FYN: variants seen among roughly 807,000 people sequenced by gnomAD.
FYN encodes the protein FYN proto-oncogene, Src family tyrosine kinase.
A neutral mutation model predicts 70.2 loss-of-function variants in FYN; 10 were observed. That is an observed-to-expected ratio of 0.14 (90% confidence interval 0.09 to 0.24). The LOEUF (loss-of-function observed/expected upper bound fraction) is 0.24. FYN is among the 10% of genes least tolerant of loss of function. The pLI, the probability that FYN is intolerant of heterozygous loss-of-function variation, is 1.00. For missense variants in FYN, 319 were observed against 673.1 expected (o/e 0.47, Z 5.82); for synonymous variants, 236 against 248.6 (o/e 0.95, Z 0.48).
At chr6:111,764,152 A>C (rs1803115372) in intron 3 of FYN, among the ~76,000 whole-genome samples, 1 of 142,606 alleles carries the variant, frequency 7.0e-6, no homozygotes. Context: ...TACATTTGAA[A>C]TTTTCCATAA....
At chr6:111,764,568 G>C (rs1343999915) in intron 3 of FYN, among the ~76,000 whole-genome samples, 3 of 152,202 alleles carry the variant, frequency 2.0e-5, no homozygotes, top group African/African-American at 7.2e-5. Flanking sequence ...TTTGCAGGCA[G>C]ATGACACAGC....
At chr6:111,847,741 A>C (rs1773572158) in intron 1 of FYN, among the ~76,000 whole-genome samples, 1 of 152,258 alleles carries the variant, frequency 6.6e-6, no homozygotes, top group South Asian at 2.1e-4. Context: ...TGTTTAATCA[A>C]AGATGACTCG....
rs558561847 is a variant in FYN at position 111,866,992 on chromosome 6, C to T, written c.-123+5976G>A. On this transcript the variant is annotated intron_variant, in intron 1 of 13. Transcript: ENST00000354650. ...ACTGCATTTTTTGTTCTTTATGTTG[C>T]TCAACTCTGAAGCTGGTCTAGTACT... 1.1e-4 allele frequency among the ~76,000 whole-genome samples: 16 copies of T among 152,288 alleles called. No homozygotes were observed. In the East Asian group the frequency reaches 2.3e-3, roughly 22 times the overall value.
chr6:111,676,228 T>A (rs1262319753), intron 12 of FYN, among the ~76,000 whole-genome samples: 1 of 152,238 alleles, frequency 6.6e-6, no homozygotes, highest in African/African-American at 2.4e-5. Flanking sequence ...TTTCAGGCAA[T>A]ATAATTTTCC....
chr6:111,665,995 CTTTTTTTT>C (rs991104460), intron 13 of FYN, among the ~76,000 whole-genome samples: 2 of 89,050 alleles, frequency 2.2e-5, no homozygotes, highest in Non-Finnish European at 4.2e-5. Flanking sequence ...CCTTTTTCTC[CTTTTTTTT>C]TTTTTTTTTT....
At chr6:111,678,108 ATGTGTGTG>A (rs57015847) in intron 12 of FYN, among the ~76,000 whole-genome samples, 292 of 94,020 alleles carry the variant, frequency 3.1e-3, no homozygotes, top group Non-Finnish European at 4.0e-3. Context: ...AGGCCATAAT[ATGTGTGTG>A]TGTGTGTGTG....
intron 3 of FYN, among the ~76,000 whole-genome samples, chr6:111,771,021 C>G (rs898458106): frequency 3.9e-5 from 6 of 152,120 alleles, no homozygotes; most frequent in African/African-American, 9.7e-5. Context: ...GAGGCAGGAC[C>G]AAATTCTTGC....
chr6:111,771,109 A>C (rs1803435146), intron 3 of FYN, among the ~76,000 whole-genome samples: 1 of 152,106 alleles, frequency 6.6e-6, no homozygotes, highest in Non-Finnish European at 1.5e-5. Flanking sequence ...TTCTGGTAAA[A>C]ACAAGTAGAA....
rs777916702 is a variant in FYN, at chr6:111,838,775, C to A, written c.-82+7814G>T. Among the ~76,000 whole-genome samples the A allele has an allele frequency of 1.1e-4, 16 of 152,314 alleles. No homozygotes were observed. In the East Asian group the frequency reaches 2.3e-3, roughly 22 times the overall value. On this transcript the variant is annotated intron_variant, in intron 2 of 13. Coordinates refer to ENST00000354650, the MANE Select transcript of FYN (RefSeq NM_002037.5). Reference sequence around the variant, plus strand: ...AATCTTGCTTTCAATTGTAAATAATCTATGGTATGTGTGGATAGGATGGTG... The same window carrying A: ...AATCTTGCTTTCAATTGTAAATAATATATGGTATGTGTGGATAGGATGGTG...
intron 2 of FYN, chr6:111,798,244 C>T (rs1160579107): frequency 2.0e-5 from 3 of 152,142 alleles, no homozygotes; most frequent in African/African-American, 4.8e-5. Context: ...TACTGTGCAT[C>T]TCTAATTTGC....
At chr6:111,727,852 T>C (rs1042486135) in intron 3 of FYN, among the ~76,000 whole-genome samples, 15 of 152,192 alleles carry the variant, frequency 9.9e-5, no homozygotes, top group African/African-American at 3.6e-4. Context: ...TGGGTCCCCA[T>C]CTCTGGCTTT....
intron 3 of FYN, among the ~76,000 whole-genome samples, chr6:111,767,526 G>A (rs571504952): frequency 2.6e-5 from 4 of 151,412 alleles, no homozygotes; most frequent in South Asian, 2.1e-4. Flanking sequence ...CTCAGCCTCC[G>A]AGTAGCTGGG....
chr6:111,806,250 A>C (rs1401118172), intron 2 of FYN, among the ~76,000 whole-genome samples: 1 of 152,162 alleles, frequency 6.6e-6, no homozygotes, highest in African/African-American at 2.4e-5. Flanking sequence ...GGTCAAATAT[A>C]ACCCCAGGGG....
At chr6:111,797,697 TATATATATATATATAC>T (rs1771855232) in intron 2 of FYN, among the ~76,000 whole-genome samples, 1 of 85,096 alleles carries the variant, frequency 1.2e-5, no homozygotes, top group Non-Finnish European at 2.1e-5. Context: ...TATATATATA[TATATATATATATATAC>T]ACACACACAC....
rs558476560 is a variant in FYN at position 111,851,514 on chromosome 6, T to C, written c.-122-4885A>G. ...AGGGACCCTATAAGAACAGTGTACC[T>C]AGAAGCACTAACTGCACGGTCTGTT... On this transcript the variant is annotated intron_variant, in intron 1 of 13. Transcript: ENST00000354650. Among the ~76,000 whole-genome samples the C allele has an allele frequency of 7.2e-5, 11 of 152,290 alleles. No homozygotes were observed. The South Asian group carries it at 2.3e-3, about 32-fold the overall frequency.
chr6:111,863,090 T>G (rs1774010646), intron 1 of FYN, among the ~76,000 whole-genome samples: 1 of 152,130 alleles, frequency 6.6e-6, no homozygotes, highest in African/African-American at 2.4e-5. Context: ...ACTGGGCTGT[T>G]TAGTAAAGGG....
intron 3 of FYN, among the ~76,000 whole-genome samples, chr6:111,730,435 A>T (rs919714428): frequency 6.6e-6 from 1 of 152,162 alleles, no homozygotes; most frequent in Non-Finnish European, 1.5e-5. Flanking sequence ...TTGGCACCTA[A>T]CCAAGGCAAT....
intron 2 of FYN, among the ~76,000 whole-genome samples, chr6:111,782,779 T>C (rs145179627): frequency 1.3e-5 from 2 of 152,320 alleles, no homozygotes; most frequent in East Asian, 3.9e-4. Context: ...ATGGGCACTT[T>C]GGTGATCCAT....
chr6:111,774,715 G>T (rs1313476317), intron 3 of FYN, among the ~76,000 whole-genome samples: 1 of 151,972 alleles, frequency 6.6e-6, no homozygotes. Context: ...CTTATTAAGG[G>T]GATGGAGTCC....
Sources: allele counts gnomAD v4.1 joint callset (sites outside exome capture counted in the v4.1 genomes callset), GRCh38; gene constraint gnomAD v4.1.1; transcripts MANE v1.5; gene names NCBI Gene and HGNC (gene_info 2026-07-23, HGNC 2026-07-21).